HDAC4: variants seen among roughly 807,000 people sequenced by gnomAD.
The protein encoded by HDAC4 is histone deacetylase A.
A neutral mutation model predicts 135.1 loss-of-function variants in HDAC4; 16 were observed. The observed-to-expected ratio is 0.12, with a 90% CI of 0.08 to 0.18. The LOEUF is 0.18. Among genes scored for constraint, HDAC4 ranks in the 10% least tolerant of loss-of-function variants. The pLI is 1.00. For synonymous variants in HDAC4, 685 were observed against 653.4 expected (o/e 1.05, Z -0.74); for missense variants, 1,143 against 1,511.8 (o/e 0.76, Z 4.05).
chr2:239,165,080 G>A (rs143694236), intron 5 of HDAC4, among the ~76,000 whole-genome samples: 120 of 152,142 alleles, frequency 7.9e-4, no homozygotes, highest in African/African-American at 2.6e-3. Context: ...AAAATTAGCC[G>A]AGTGTGGTAG....
At chr2:239,199,451 T>A (rs1395965270) in intron 3 of HDAC4, among the ~76,000 whole-genome samples, 1 of 152,180 alleles carries the variant, frequency 6.6e-6, no homozygotes, top group African/African-American at 2.4e-5. Flanking sequence ...ATCAACTATC[T>A]TGTTACTCTC....
chr2:239,106,595 C>T (rs2038157383), intron 15 of HDAC4, among the ~76,000 whole-genome samples: 1 of 152,218 alleles, frequency 6.6e-6, no homozygotes, highest in Non-Finnish European at 1.5e-5. Flanking sequence ...TCCCTCCTCC[C>T]AGAGGGCACT....
chr2:239,399,208 A>G (rs535466738), intron 1 of HDAC4, among the ~76,000 whole-genome samples: 1 of 152,350 alleles, frequency 6.6e-6, no homozygotes, highest in East Asian at 1.9e-4. Flanking sequence ...TAAATTTCAC[A>G]TATTTTTGAT....
At chr2:239,227,810 C>T (rs1009586072) in intron 3 of HDAC4, among the ~76,000 whole-genome samples, 2 of 152,184 alleles carry the variant, frequency 1.3e-5, no homozygotes, top group African/African-American at 4.8e-5. Flanking sequence ...AGCAGCTTCA[C>T]GAGAGTCATC....
chr2:239,133,040 T>G (rs1481185183), intron 11 of HDAC4, among the ~76,000 whole-genome samples: 2 of 152,312 alleles, frequency 1.3e-5, no homozygotes, highest in African/African-American at 4.8e-5. Context: ...CACGGGCTCC[T>G]CTGCTCTGGA....
At chr2:239,127,579 A>C (rs2040282275) in intron 11 of HDAC4, among the ~76,000 whole-genome samples, 2 of 152,222 alleles carry the variant, frequency 1.3e-5, no homozygotes, top group East Asian at 3.8e-4. Context: ...AGTGGGGTAA[A>C]CACTAAACTA....
At chr2:239,401,543 A>C (rs946840591), upstream of HDAC4, 1 of 209,536 alleles carries the variant, frequency 4.8e-6, no homozygotes, top group African/African-American at 2.4e-5. Context: ...AGCGGTCAGC[A>C]CCGCATGTCT....
At chr2:239,234,812 A>C (rs2047789225) in intron 3 of HDAC4, among the ~76,000 whole-genome samples, 2 of 152,168 alleles carry the variant, frequency 1.3e-5, no homozygotes, top group Non-Finnish European at 2.9e-5. Flanking sequence ...AAGCCAGAAT[A>C]TTAATTTGAA....
Position 239,171,298 on chromosome 2 carries a change from A to T in HDAC4, c.490+5115T>A, listed in dbSNP as rs868086529. Among the ~76,000 whole-genome samples the T allele has an allele frequency of 6.6e-5, 10 of 152,228 alleles. No individual in the cohort carries two copies. The South Asian group carries it at 2.1e-3, about 31-fold the overall frequency. ...GAAAAAAATAAGATCAAGAAAGTCT[A>T]TGGAAAACTATGAAAAAGGGCCAAA... On this transcript the variant is annotated intron_variant, in intron 5 of 26. Coordinates refer to ENST00000543185, the MANE Select transcript of HDAC4 (RefSeq NM_001378414.1).
intron 1 of HDAC4, among the ~76,000 whole-genome samples, chr2:239,390,988 G>A (rs1696161247): frequency 6.6e-6 from 1 of 152,238 alleles, no homozygotes; most frequent in Admixed American, 6.5e-5. Flanking sequence ...CCCTCTCCCA[G>A]CACACTGGGA....
intron 1 of HDAC4, among the ~76,000 whole-genome samples, chr2:239,396,919 C>T (rs1187045054): frequency 6.6e-6 from 1 of 152,178 alleles, no homozygotes; most frequent in Non-Finnish European, 1.5e-5. Flanking sequence ...TTCCGTCACC[C>T]CCACCTGCCT....
At chr2:239,099,293 C>T (rs947214140) in intron 16 of HDAC4, among the ~76,000 whole-genome samples, 7 of 152,208 alleles carry the variant, frequency 4.6e-5, no homozygotes, top group Non-Finnish European at 7.3e-5. Context: ...CAGGAGCAGC[C>T]GCCATTCTGA....
chr2:239,247,290 A>C lies in HDAC4; in HGVS notation c.23-10626T>G, dbSNP rs556668891. 2.6e-5 allele frequency among the ~76,000 whole-genome samples: 4 copies of C among 152,344 alleles called. No homozygotes were observed. The South Asian group carries it at 6.2e-4, about 24-fold the overall frequency. On this transcript the variant is annotated intron_variant, in intron 2 of 26. Transcript: ENST00000543185. ...CCTTTTCACTCCCGAGAATTCTAAC[A>C]AATATTATACAATTCCTACCCGCAT...
intron 2 of HDAC4, among the ~76,000 whole-genome samples, chr2:239,295,742 A>G (rs1202253462): frequency 6.6e-6 from 1 of 152,184 alleles, no homozygotes; most frequent in Admixed American, 6.5e-5. Flanking sequence ...CATCCTCACC[A>G]AAACCACCAC....
intron 17 of HDAC4, among the ~76,000 whole-genome samples, chr2:239,092,100 G>A (rs1436465369): frequency 2.0e-5 from 3 of 152,084 alleles, no homozygotes; most frequent in African/African-American, 7.2e-5. Context: ...TTAGCCAGAT[G>A]TGGTGGCCTG....
At chr2:239,373,459 T>G (rs965079697) in intron 1 of HDAC4, among the ~76,000 whole-genome samples, 4 of 144,802 alleles carry the variant, frequency 2.8e-5, no homozygotes, top group African/African-American at 9.7e-5. Context: ...TAGTAAACTT[T>G]TTGTTGTTGT....
At chr2:239,087,298 G>C (rs1403100624) in intron 19 of HDAC4, among the ~76,000 whole-genome samples, 2 of 152,212 alleles carry the variant, frequency 1.3e-5, no homozygotes, top group Non-Finnish European at 2.9e-5. Context: ...ACAACCAGAG[G>C]CTTCTCTGGA....
chr2:239,105,051 C>T (rs1001762654), intron 15 of HDAC4, among the ~76,000 whole-genome samples: 1 of 152,246 alleles, frequency 6.6e-6, no homozygotes, highest in African/African-American at 2.4e-5. Context: ...TGTGACGGCT[C>T]AGACTGAGCA....
intron 6 of HDAC4, among the ~76,000 whole-genome samples, chr2:239,162,616 C>G (rs547441577): frequency 3.3e-5 from 5 of 152,348 alleles, no homozygotes; most frequent in Admixed American, 3.3e-4. Flanking sequence ...TCACTGCTGT[C>G]ACGTGCTGCC....
Sources: allele counts gnomAD v4.1 joint callset (sites outside exome capture counted in the v4.1 genomes callset), GRCh38; gene constraint gnomAD v4.1.1; transcripts MANE v1.5; gene names NCBI Gene and HGNC (gene_info 2026-07-23, HGNC 2026-07-21).